The following EPHB2 variants were observed in gnomAD, a reference collection of about 807,000 sequenced individuals.
EPHB2 encodes the protein ephrin type-B receptor 2.
EPHB2 carries 18 observed loss-of-function variants against 96.4 expected under a neutral mutation model. The ratio of observed to expected loss-of-function variants is 0.19; its 90% confidence interval spans 0.13 to 0.28. The LOEUF (loss-of-function observed/expected upper bound fraction) is 0.28. Among genes scored for constraint, EPHB2 ranks in the 10% least tolerant of loss-of-function variants. The probability of loss-of-function intolerance (pLI) is 1.00; values close to 1 mark genes in which losing one functional copy is unlikely to be tolerated. For missense variants in EPHB2, 989 were observed against 1,355.4 expected, an observed-to-expected ratio of 0.73 and a Z score of 4.25; for synonymous variants, 506 against 534.1, an observed-to-expected ratio of 0.95 and a Z score of 0.72.
At chr1:22,907,178 A>C (rs1639945485) in intron 11 of EPHB2, among the ~76,000 whole-genome samples, 1 of 152,264 alleles carries the variant, frequency 6.6e-6, no homozygotes, top group South Asian at 2.1e-4. Context: ...AATTCTTCTC[A>C]GTATGGTTCC....
Position 22,883,665 on chromosome 1 carries a change from C to T in EPHB2, c.1428+1182C>T, listed in dbSNP as rs548787249. The stretch of plus-strand genomic sequence containing the variant: ...CTGCTGGAGCCCAACTTTCTAGAGC[C>T]CAGCCCGGCCTTCCCACTCTGTTAA... On this transcript the variant is annotated intron_variant, in intron 6 of 15. Transcript: ENST00000374630. Among the ~76,000 whole-genome samples, 458 of 152,286 alleles carry T rather than the reference C, an allele frequency of 3.0e-3. 5 individuals are homozygous for T. The highest frequency in any genetic ancestry group is 0.01 in the African/African-American group (422 of 41,552).
At chr1:22,891,059 A>G in intron 6 of EPHB2, 2 of 456,002 alleles carry the variant, frequency 4.4e-6, no homozygotes, top group Non-Finnish European at 8.8e-6. Flanking sequence ...TGAGCCTGTT[A>G]TACCTATTGA....
At chr1:22,836,515 G>A (rs745955198) in intron 3 of EPHB2, among the ~76,000 whole-genome samples, 3 of 152,226 alleles carry the variant, frequency 2.0e-5, no homozygotes, top group Non-Finnish European at 2.9e-5. Context: ...GAGGGAGTGC[G>A]TAATGGCTAC....
chr1:22,744,393 T>C (rs1359559061), intron 1 of EPHB2, among the ~76,000 whole-genome samples: 2 of 151,612 alleles, frequency 1.3e-5, no homozygotes, highest in Non-Finnish European at 2.9e-5. Flanking sequence ...GAAGCCTTAC[T>C]GATAACATAG....
intron 1 of EPHB2, among the ~76,000 whole-genome samples, chr1:22,735,549 C>T (rs1643809892): frequency 6.6e-6 from 1 of 152,174 alleles, no homozygotes; most frequent in South Asian, 2.1e-4. Flanking sequence ...TACCCCAGGC[C>T]TGAGAGCAGG....
chr1:22,772,922 G>C (rs1397818757), intron 1 of EPHB2, among the ~76,000 whole-genome samples: 1 of 152,204 alleles, frequency 6.6e-6, no homozygotes, highest in Non-Finnish European at 1.5e-5. Flanking sequence ...AGACCAAAGG[G>C]ATCAAATTTT....
intron 6 of EPHB2, among the ~76,000 whole-genome samples, chr1:22,885,881 A>C (rs1639208549): frequency 6.6e-6 from 1 of 152,122 alleles, no homozygotes; most frequent in African/African-American, 2.4e-5. Context: ...TGGGGTACAG[A>C]GAGGGACAGC....
intron 1 of EPHB2, among the ~76,000 whole-genome samples, chr1:22,778,929 T>C (rs556606481): frequency 6.6e-6 from 1 of 152,334 alleles, no homozygotes; most frequent in Non-Finnish European, 1.5e-5. Context: ...CATGGAATCC[T>C]CTAGTGTTTG....
chr1:22,837,042 G>A lies in EPHB2; in HGVS notation c.812-25995G>A, dbSNP rs191015147. On this transcript the variant is annotated intron_variant, in intron 3 of 15. Coordinates refer to ENST00000374630, the MANE Select transcript of EPHB2 (RefSeq NM_017449.5). ...AGCAAGACCAGGAGAGGCCCTACAC[G>A]GCGGGGGAGGGGGGCCTGAACTGGA... Among the ~76,000 whole-genome samples, 15 of 152,336 alleles carry A rather than the reference G, an allele frequency of 9.8e-5. No homozygotes were observed. The East Asian group carries it at 1.5e-3, about 16-fold the overall frequency.
intron 1 of EPHB2, among the ~76,000 whole-genome samples, chr1:22,756,451 C>T (rs1156950036): frequency 1.3e-5 from 2 of 152,104 alleles, no homozygotes; most frequent in Non-Finnish European, 2.9e-5. Flanking sequence ...CCCTGAGTCC[C>T]GCCTGAGGTG....
In EPHB2 at chr1:22,858,599, C is replaced by T. The variant is rs1476160124; in HGVS notation, c.812-4438C>T. 1.3e-5 allele frequency among the ~76,000 whole-genome samples: 2 copies of T among 152,220 alleles called. No homozygotes were observed. Among genetic ancestry groups the T allele is most frequent in the African/African-American group, 2.4e-5 (1 of 41,450 alleles). On this transcript the variant is annotated intron_variant, in intron 3 of 15. Coordinates refer to ENST00000374630, the MANE Select transcript of EPHB2 (RefSeq NM_017449.5). The surrounding 1 kb of genome is among the most constrained non-coding windows in gnomAD (Gnocchi z 7.7). The stretch of plus-strand genomic sequence containing the variant: ...AGGTCTCATTGTCTTCTTCCCACTT[C>T]TGCACGTGACATGCAGGTGCCAGCA...
intron 1 of EPHB2, among the ~76,000 whole-genome samples, chr1:22,773,321 C>G (rs899789119): frequency 5.3e-4 from 80 of 152,292 alleles, no homozygotes; most frequent in African/African-American, 1.9e-3. Context: ...CAGTCCGGGT[C>G]AGGCCTCCAG....
intron 1 of EPHB2, among the ~76,000 whole-genome samples, chr1:22,743,618 C>T (rs556908510): frequency 1.3e-5 from 2 of 152,190 alleles, no homozygotes; most frequent in South Asian, 2.1e-4. Context: ...ATTATAGGCA[C>T]GCACCACCAC....
chr1:22,831,450 G>T (rs947563798), intron 3 of EPHB2, among the ~76,000 whole-genome samples: 3 of 152,128 alleles, frequency 2.0e-5, no homozygotes, highest in Non-Finnish European at 4.4e-5. Flanking sequence ...AGTGCCTACT[G>T]TGTGCCAGGC....
intron 1 of EPHB2, among the ~76,000 whole-genome samples, chr1:22,721,068 C>G (rs138207750): frequency 6.6e-6 from 1 of 152,110 alleles, no homozygotes; most frequent in Non-Finnish European, 1.5e-5. Context: ...TATGAAAGAC[C>G]GGGTAAGGGG....
intron 6 of EPHB2, among the ~76,000 whole-genome samples, chr1:22,887,804 A>G (rs1432784334): frequency 1.3e-5 from 2 of 152,166 alleles, no homozygotes; most frequent in Non-Finnish European, 2.9e-5. Context: ...TCAATTTTAG[A>G]ATTTATTTAA....
intron 9 of EPHB2, among the ~76,000 whole-genome samples, chr1:22,899,653 G>A (rs1219678166): frequency 6.6e-6 from 1 of 152,020 alleles, no homozygotes; most frequent in Non-Finnish European, 1.5e-5. Context: ...AGAAAAAGAT[G>A]GACACATTTA....
At chr1:22,822,414 G>A (rs866603600) in intron 3 of EPHB2, among the ~76,000 whole-genome samples, 9 of 152,266 alleles carry the variant, frequency 5.9e-5, no homozygotes, top group Middle Eastern at 6.8e-3. Context: ...GAAAACAAAA[G>A]TGGCAATGTT....
intron 11 of EPHB2, 101 bp from the exon 12 acceptor site, chr1:22,907,852 A>G: frequency 6.9e-7 from 1 of 1,442,000 alleles, no homozygotes; most frequent in South Asian, 1.1e-5. Context: ...GCCCAGAGCC[A>G]GGCTGGCAGG....
Sources: allele counts gnomAD v4.1 joint callset (sites outside exome capture counted in the v4.1 genomes callset), GRCh38; gene constraint gnomAD v4.1.1; non-coding constraint Gnocchi (gnomAD v3.1); transcripts MANE v1.5; gene names NCBI Gene and HGNC (gene_info 2026-07-23, HGNC 2026-07-21).